MLLT10: variants seen among roughly 807,000 people sequenced by gnomAD.
MLLT10 encodes the protein MLLT10 histone lysine methyltransferase DOT1L cofactor.
In MLLT10, 30 loss-of-function variants were observed where a neutral mutation model predicts 129.1. That is an observed-to-expected ratio of 0.23 (90% CI 0.17 to 0.32). The LOEUF (loss-of-function observed/expected upper bound fraction) is 0.32. Among genes scored for constraint, MLLT10 ranks in the 10% least tolerant of loss-of-function variants. The pLI is 1.00. For synonymous variants in MLLT10, 490 were observed against 446.4 expected, an observed-to-expected ratio of 1.10 and a Z score of -1.23; for missense variants, 1,119 against 1,268.3, an observed-to-expected ratio of 0.88 and a Z score of 1.79.
rs1438671755 is a variant in MLLT10, at chr10:21,657,750, AT to A, written c.795+5988del. ...GTTTTTGTCTCTTTCTCTTTGCAGC[AT>A]TTTTTAAAAGAGGATAAAGGAGAAC... On this transcript the variant is annotated intron_variant, in intron 9 of 22. Coordinates refer to ENST00000307729, the MANE Select transcript of MLLT10 (RefSeq NM_001195626.3). Among the ~76,000 whole-genome samples the A allele has an allele frequency of 2.6e-5, 4 of 152,132 alleles. No homozygotes were observed. In the South Asian group the frequency reaches 8.3e-4, roughly 31 times the overall value.
intron 5 of MLLT10, among the ~76,000 whole-genome samples, chr10:21,601,243 G>T (rs1335497142): frequency 1.3e-5 from 2 of 152,122 alleles, no homozygotes; most frequent in African/African-American, 4.8e-5. Context: ...ACCATGCCTG[G>T]CCTCTTTGTG....
At chr10:21,600,746 C>T (rs1381353207) in intron 5 of MLLT10, among the ~76,000 whole-genome samples, 2 of 152,084 alleles carry the variant, frequency 1.3e-5, no homozygotes, top group East Asian at 3.9e-4. Flanking sequence ...TTCTTTTGCT[C>T]TTTTTGATAC....
At chr10:21,654,493 G>A (rs745399807) in intron 9 of MLLT10, among the ~76,000 whole-genome samples, 2 of 152,088 alleles carry the variant, frequency 1.3e-5, no homozygotes, top group African/African-American at 2.4e-5. Context: ...TAGTTGTGAC[G>A]ATTTGAGGAG....
intron 5 of MLLT10, among the ~76,000 whole-genome samples, chr10:21,606,153 T>C (rs1292778580): frequency 1.3e-5 from 2 of 152,234 alleles, no homozygotes; most frequent in Admixed American, 6.5e-5. Context: ...GTGTTCTGAC[T>C]GCTGTACCAG....
chr10:21,591,401 T>G (rs1245471293), intron 4 of MLLT10, among the ~76,000 whole-genome samples: 3 of 152,218 alleles, frequency 2.0e-5, no homozygotes, highest in Non-Finnish European at 2.9e-5. Flanking sequence ...CCCTTGTGAC[T>G]TTCTCTTGAC....
At chr10:21,733,147 T>G in intron 18 of MLLT10, 60 bp downstream of exon 18, 1 of 1,473,348 alleles carries the variant, frequency 6.8e-7, no homozygotes, top group Non-Finnish European at 9.2e-7. Flanking sequence ...TTTATTTGTA[T>G]TATAAGTGAG....
intron 8 of MLLT10, among the ~76,000 whole-genome samples, chr10:21,621,411 A>AT (rs1285643431): frequency 9.2e-5 from 13 of 141,070 alleles, no homozygotes; most frequent in African/African-American, 2.9e-4. Context: ...CGCCCGGCTA[A>AT]TTTTTTTGTA....
rs369112910 is a variant in MLLT10, at chr10:21,695,001, C to T, written c.1699+12744C>T. 9.2e-5 allele frequency among the ~76,000 whole-genome samples: 14 copies of T among 151,612 alleles called. No individual in the cohort carries two copies. In the South Asian group the frequency reaches 1.7e-3, roughly 18 times the overall value. Reference sequence around the variant, plus strand: ...CTCACACTTAGAATCTGTCTGACTTCGCCTTCTGCCGCATCTCTCACTTTC... The same window carrying T: ...CTCACACTTAGAATCTGTCTGACTTTGCCTTCTGCCGCATCTCTCACTTTC... On this transcript the variant is annotated intron_variant, in intron 13 of 22. Transcript: ENST00000307729.
intron 14 of MLLT10, among the ~76,000 whole-genome samples, chr10:21,721,700 CT>C (rs1343626944): frequency 6.6e-6 from 1 of 152,052 alleles, no homozygotes; most frequent in Non-Finnish European, 1.5e-5. Flanking sequence ...AGTTTGAATA[CT>C]GCCTTGGTAG....
intron 8 of MLLT10, among the ~76,000 whole-genome samples, chr10:21,641,665 C>T (rs1201458752): frequency 6.6e-6 from 1 of 152,020 alleles, no homozygotes; most frequent in African/African-American, 2.4e-5. Flanking sequence ...CTTTTTTCCC[C>T]CCTTACCACA....
chr10:21,713,666 A>C, intron 13 of MLLT10, 106 bp from the exon 14 acceptor site: 1 of 928,504 alleles, frequency 1.1e-6, no homozygotes, highest in East Asian at 2.6e-5. Context: ...AATAAGATTT[A>C]TAATTGGAGG....
chr10:21,573,006 A>AT (rs2040372767), intron 3 of MLLT10, among the ~76,000 whole-genome samples: 1 of 152,062 alleles, frequency 6.6e-6, no homozygotes, highest in South Asian at 2.1e-4. Context: ...AAAATTTCTA[A>AT]TTTTTTGTTG....
chr10:21,595,635 G>T (rs1323945464), intron 5 of MLLT10, 195 bp downstream of exon 5: 3 of 460,448 alleles, frequency 6.5e-6, no homozygotes. Context: ...AAGCAAAACT[G>T]TGTTACCTTT....
At chr10:21,741,389 G>A (rs1438440844) in intron 22 of MLLT10, among the ~76,000 whole-genome samples, 1 of 152,034 alleles carries the variant, frequency 6.6e-6, no homozygotes, top group Non-Finnish European at 1.5e-5. Context: ...GTAATTTAAT[G>A]AGCTAATAGA....
At chr10:21,721,763 T>C (rs145164616) in intron 14 of MLLT10, among the ~76,000 whole-genome samples, 72 of 152,294 alleles carry the variant, frequency 4.7e-4, no homozygotes, top group African/African-American at 1.6e-3. Context: ...CTAAGGATAT[T>C]CTTTAACTCA....
chr10:21,564,086 A>G (rs899693941), intron 3 of MLLT10, among the ~76,000 whole-genome samples: 2 of 152,122 alleles, frequency 1.3e-5, no homozygotes, highest in Non-Finnish European at 2.9e-5. Flanking sequence ...TGCCGGGATT[A>G]CAGGCATGAG....
At chr10:21,541,900 G>A (rs1421370878) in intron 3 of MLLT10, among the ~76,000 whole-genome samples, 1 of 152,210 alleles carries the variant, frequency 6.6e-6, no homozygotes, top group Non-Finnish European at 1.5e-5. Flanking sequence ...ATTCTAGTGT[G>A]ATTTAGCAAA....
Position 21,732,977 on chromosome 10 carries a change from C to T in MLLT10, c.2297C>T (p.Ala766Val). 6.2e-7 allele frequency: 1 copy of T among 1,613,938 alleles called. No homozygotes were observed. Among genetic ancestry groups the T allele is most frequent in the Non-Finnish European group, 8.5e-7 (1 of 1,179,942 alleles). The change falls in exon 18 of 23, where the codon GCC (alanine) becomes GTC (valine). Residue 766 changes from alanine to valine, a missense_variant. Around this residue, in one of 5 missense-constraint regions of MLLT10, gnomAD observed 1,004 missense variants for 1,008.7 expected, o/e 1.00. Coordinates refer to ENST00000307729, the MANE Select transcript of MLLT10 (RefSeq NM_001195626.3). ...GAGGAACAAATTAAAAACTTGACTG[C>T]CAAAAAGGAACGGCTTCAGTTATTG... ...RLEEQIKNLTAKKERLQLLNA... is the reference protein window; with the variant it reads ...RLEEQIKNLTVKKERLQLLNA...
chr10:21,544,858 A>G (rs904234180), intron 3 of MLLT10, among the ~76,000 whole-genome samples: 1 of 152,190 alleles, frequency 6.6e-6, no homozygotes, highest in Non-Finnish European at 1.5e-5. Context: ...AAATTTTTGT[A>G]TTGGAGGCCG....
Sources: allele counts gnomAD v4.1 joint callset (sites outside exome capture counted in the v4.1 genomes callset), GRCh38; gene constraint gnomAD v4.1.1; regional missense constraint gnomAD v4.1.1; transcripts MANE v1.5; gene names NCBI Gene and HGNC (gene_info 2026-07-23, HGNC 2026-07-21).